The following TET2 variants were observed in gnomAD, a reference collection of about 807,000 sequenced individuals.
The protein encoded by TET2 is methylcytosine dioxygenase TET2.
In TET2, 299 loss-of-function variants were observed where a neutral mutation model predicts 142.9. That is an observed-to-expected ratio of 2.09 (90% CI 1.90 to 2.30). The LOEUF is 2.30. TET2 is among the 30% of genes most tolerant of loss of function. The pLI is 0.00. For synonymous variants in TET2, 819 were observed against 849.0 expected (o/e 0.96, Z 0.61); for missense variants, 2,418 against 2,378.0 (o/e 1.02, Z -0.35).
rs1731305132 is a variant in TET2, at chr4:105,278,175, T to TATATATATATAC, written c.*1667_*1668insCATATATATATA. On this transcript the variant is annotated 3_prime_UTR_variant, in exon 11 of 11. Transcript: ENST00000380013. The stretch of plus-strand genomic sequence containing the variant: ...TGTAAAAAAATTAAATATATACATA[T>TATATATATATAC]ATATATATATATATATATATATATA... 1.2e-4 allele frequency: 14 copies of TATATATATATAC among 117,120 alleles called. No individual in the cohort carries two copies. Among genetic ancestry groups the TATATATATATAC allele is most frequent in the Admixed American group, 5.7e-4 (7 of 12,302 alleles). The allele number at this position is 117,120 out of a possible 1,614,324, so 7.3% of individuals were successfully genotyped here.
chr4:105,245,048 A>G (rs1253459916), intron 6 of TET2, among the ~76,000 whole-genome samples: 1 of 152,182 alleles, frequency 6.6e-6, no homozygotes, highest in Non-Finnish European at 1.5e-5. Flanking sequence ...AGCTAGCCAA[A>G]TTTGTCCTTT....
upstream of TET2, chr4:105,146,247 A>G (rs1436611103): frequency 1.3e-5 from 2 of 152,312 alleles, no homozygotes; most frequent in African/African-American, 4.8e-5. Context: ...AGACCAGCAA[A>G]AAGTTTCAAA....
intron 3 of TET2, chr4:105,237,809 G>T: frequency 1.8e-6 from 2 of 1,112,380 alleles, no homozygotes; most frequent in South Asian, 6.3e-5. Context: ...TGGCTAATAG[G>T]GAAATTATTA....
At position 105,276,631 on chromosome 4, in the gene TET2, G is replaced by C; in HGVS notation, c.*112G>C. On this transcript the variant is annotated 3_prime_UTR_variant, in exon 11 of 11. Transcript: ENST00000380013. ...AAAGGTCACAGTATTCATGACAAAT[G>C]TGGTGGGAAAAACCTCAGCTCACCA... 1 of 1,269,628 alleles carries C rather than the reference G, an allele frequency of 7.9e-7. No individual in the cohort carries two copies. Among genetic ancestry groups the C allele is most frequent in the Non-Finnish European group, 1.1e-6 (1 of 941,156 alleles). The allele number at this position is 1,269,628 out of a possible 1,614,324, so 78.6% of individuals were successfully genotyped here. A position where few individuals can be genotyped will look rare whatever the true frequency, so the allele number is the denominator to read the frequency against.
intron 8 of TET2, among the ~76,000 whole-genome samples, chr4:105,263,946 G>A (rs544454902): frequency 6.6e-6 from 1 of 152,186 alleles, no homozygotes; most frequent in East Asian, 1.9e-4. Context: ...GGAGCAATAG[G>A]TATGGGGCTC....
chr4:105,198,589 A>G (rs1726239475), intron 2 of TET2, among the ~76,000 whole-genome samples: 1 of 152,242 alleles, frequency 6.6e-6, no homozygotes, highest in Non-Finnish European at 1.5e-5. Flanking sequence ...TAGCCAGAAA[A>G]TAAGGGCAAG....
At chr4:105,223,508 G>A (rs1727983673) in intron 2 of TET2, among the ~76,000 whole-genome samples, 1 of 152,082 alleles carries the variant, frequency 6.6e-6, no homozygotes, top group East Asian at 1.9e-4. Context: ...CAAACGAAAT[G>A]GAGAGAACTT....
chr4:105,171,881 G>T (rs1198313379), intron 1 of TET2: 1 of 152,180 alleles, frequency 6.6e-6, no homozygotes, highest in Non-Finnish European at 1.5e-5. Flanking sequence ...AATCTTCCAA[G>T]ATTTATCATC....
chr4:105,222,997 C>G (rs1013117622), intron 2 of TET2, among the ~76,000 whole-genome samples: 19 of 152,194 alleles, frequency 1.2e-4, no homozygotes, highest in African/African-American at 3.1e-4. Flanking sequence ...TCTTGTTTTT[C>G]TCAGGTTTGT....
At chr4:105,240,430 G>C (rs1322863205) in intron 3 of TET2, 1 of 1,074,186 alleles carries the variant, frequency 9.3e-7, no homozygotes, top group African/African-American at 1.6e-5. Context: ...TAGAGATGAA[G>C]ATCTTAATTA....
In TET2 at chr4:105,278,392, T is replaced by G. The variant is rs1270079031; in HGVS notation, c.*1873T>G. 4.8e-6 allele frequency: 1 copy of G among 208,852 alleles called. No homozygotes were observed. The highest frequency in any genetic ancestry group is 9.6e-6 in the Non-Finnish European group (1 of 103,722). 12.9% of individuals were successfully genotyped at this position (208,852 alleles called of 1,614,324 possible). On this transcript the variant is annotated 3_prime_UTR_variant, in exon 11 of 11. Coordinates refer to ENST00000380013, the MANE Select transcript of TET2 (RefSeq NM_001127208.3). Reference sequence around the variant, plus strand: ...TGTACCATCATTTTTTTCCAAGTCCTTTTTTTTATTGTTAAAAAAAAAAGC... The same window carrying G: ...TGTACCATCATTTTTTTCCAAGTCCGTTTTTTTATTGTTAAAAAAAAAAGC...
intron 6 of TET2, among the ~76,000 whole-genome samples, chr4:105,253,650 G>T (rs994559406): frequency 6.6e-6 from 1 of 150,846 alleles, no homozygotes. Context: ...TTGTCTTAAT[G>T]TATTAGCTAG....
Position 105,272,674 on chromosome 4 carries a change from TG to T in TET2, c.4294del (p.Val1432TrpfsTer16). 6.4e-7 allele frequency: 1 copy of T among 1,551,462 alleles called. No individual in the cohort carries two copies. On this transcript the variant is annotated frameshift_variant, in exon 10 of 11. Coordinates refer to ENST00000380013, the MANE Select transcript of TET2 (RefSeq NM_001127208.3). LOFTEE classifies it high-confidence loss of function. ...KVSDVDEFGS[V>X]EAQEEKKRSG... ...TCTCTGACGTGGATGAGTTTGGGAG[TG>T]TGGAAGCTCAGGAGGAGAAAAAACG... is the stretch of plus-strand genomic sequence containing the variant.
chr4:105,192,392 T>C (rs1382108863), intron 2 of TET2, among the ~76,000 whole-genome samples: 3 of 152,170 alleles, frequency 2.0e-5, no homozygotes, highest in Non-Finnish European at 4.4e-5. Flanking sequence ...TTATTTTTAG[T>C]ACATTTATTA....
intron 1 of TET2, among the ~76,000 whole-genome samples, chr4:105,175,870 C>T: frequency 6.6e-6 from 1 of 152,052 alleles, no homozygotes; most frequent in African/African-American, 2.4e-5. Flanking sequence ...TTTTATCTGA[C>T]ATATCCTCAT....
At chr4:105,207,031 A>C (rs1726866165) in intron 2 of TET2, among the ~76,000 whole-genome samples, 1 of 152,204 alleles carries the variant, frequency 6.6e-6, no homozygotes, top group Non-Finnish European at 1.5e-5. Context: ...GAACTCTTCA[A>C]GTGAAGCTTC....
In TET2 at chr4:105,234,720, T is replaced by C; in HGVS notation, c.778T>C (p.Leu260=). 1.2e-6 allele frequency: 2 copies of C among 1,613,950 alleles called. No homozygotes were observed. Among genetic ancestry groups the C allele is most frequent in the African/African-American group, 1.3e-5 (1 of 75,002 alleles). ...NAINSQATNE[L]SCEITHPSHT... ...CATTAACAGTCAGGCTACTAATGAG[T>C]TGTCCTGTGAGATCACTCACCCATC... Residue 260 remains leucine, a synonymous_variant, in exon 3 of 11, where the codon TTG becomes CTG. Coordinates refer to ENST00000380013, the MANE Select transcript of TET2 (RefSeq NM_001127208.3).
intron 5 of TET2, among the ~76,000 whole-genome samples, chr4:105,243,329 A>G (rs1199484018): frequency 7.9e-5 from 12 of 152,178 alleles, no homozygotes; most frequent in African/African-American, 2.4e-4. Flanking sequence ...TGTACTGGGT[A>G]TAGTCTGCTA....
At chr4:105,220,561 C>T (rs1727754541) in intron 2 of TET2, among the ~76,000 whole-genome samples, 1 of 152,120 alleles carries the variant, frequency 6.6e-6, no homozygotes, top group South Asian at 2.1e-4. Flanking sequence ...CCGTGAGCAC[C>T]AGTGCCTAGG....
Sources: gnomAD v4.1 joint callset for allele counts (sites outside exome capture counted in the v4.1 genomes callset) on GRCh38, gnomAD v4.1.1 for gene constraint, MANE v1.5 for transcripts, NCBI Gene and HGNC (gene_info 2026-07-23, HGNC 2026-07-21) for gene names.